RSRC1: variants seen among roughly 807,000 people sequenced by gnomAD.
RSRC1 encodes the protein serine/Arginine-related protein 53.
In RSRC1, 39 loss-of-function variants were observed where a neutral mutation model predicts 49.1. The ratio of observed to expected loss-of-function variants is 0.79; its 90% CI spans 0.61 to 1.04. The LOEUF (loss-of-function observed/expected upper bound fraction) is 1.04, where lower values mean the gene tolerates loss of function less well. Ranked by LOEUF, RSRC1 falls within the 50% of genes least tolerant of loss-of-function variation. RSRC1 has a pLI of 0.00. For synonymous variants in RSRC1, 143 were observed against 130.8 expected (o/e 1.09, Z -0.63); for missense variants, 388 against 402.4 (o/e 0.96, Z 0.31).
chr3:158,128,923 GA>G (rs1715808221), intron 3 of RSRC1, among the ~76,000 whole-genome samples: 1 of 152,132 alleles, frequency 6.6e-6, no homozygotes, highest in African/African-American at 2.4e-5. Context: ...TTTTTGGCAA[GA>G]ATACGAGAGA....
intron 1 of RSRC1, among the ~76,000 whole-genome samples, chr3:158,111,009 TAGC>T (rs1201838748): frequency 6.6e-6 from 1 of 152,244 alleles, no homozygotes; most frequent in Non-Finnish European, 1.5e-5. Context: ...CTTTCAGAAT[TAGC>T]AGTAACCCAA....
chr3:158,528,040 T>C (rs557789572), intron 7 of RSRC1, among the ~76,000 whole-genome samples: 4 of 151,946 alleles, frequency 2.6e-5, no homozygotes, highest in Non-Finnish European at 5.9e-5. Flanking sequence ...TATATATTCA[T>C]AGAGATTTAC....
intron 3 of RSRC1, among the ~76,000 whole-genome samples, chr3:158,142,932 G>A (rs1716842215): frequency 6.6e-6 from 1 of 152,190 alleles, no homozygotes; most frequent in African/African-American, 2.4e-5. Flanking sequence ...TCAGTTCCTA[G>A]CATGGTGGTA....
intron 6 of RSRC1, among the ~76,000 whole-genome samples, chr3:158,397,744 C>G (rs1265097715): frequency 6.6e-6 from 1 of 152,032 alleles, no homozygotes. Context: ...TGCTTCAGAA[C>G]CTTTGAACAT....
chr3:158,262,711 T>C (rs1724969642), intron 4 of RSRC1, among the ~76,000 whole-genome samples: 1 of 152,156 alleles, frequency 6.6e-6, no homozygotes, highest in African/African-American at 2.4e-5. Context: ...TATGTCTTTA[T>C]TTATTGAGGT....
intron 6 of RSRC1, among the ~76,000 whole-genome samples, chr3:158,389,524 T>A (rs1451997190): frequency 6.6e-6 from 1 of 152,186 alleles, no homozygotes; most frequent in East Asian, 1.9e-4. Context: ...TACAGTTGTG[T>A]TGTATCATGG....
intron 3 of RSRC1, among the ~76,000 whole-genome samples, chr3:158,150,353 G>C (rs537615060): frequency 3.9e-5 from 6 of 152,156 alleles, no homozygotes; most frequent in African/African-American, 1.2e-4. Context: ...GAAAAGGGTT[G>C]GATTTACTTT....
intron 6 of RSRC1, among the ~76,000 whole-genome samples, chr3:158,367,040 T>G (rs763590341): frequency 6.6e-6 from 1 of 152,200 alleles, no homozygotes; most frequent in African/African-American, 2.4e-5. Flanking sequence ...AAGGAGATTT[T>G]GGGCTGAGAT....
chr3:158,228,019 T>C (rs1406492282), intron 4 of RSRC1, among the ~76,000 whole-genome samples: 1 of 152,034 alleles, frequency 6.6e-6, no homozygotes, highest in Non-Finnish European at 1.5e-5. Flanking sequence ...CTAAGTTAAA[T>C]AGATTTTTTT....
chr3:158,530,096 A>G (rs1015802973), intron 7 of RSRC1, among the ~76,000 whole-genome samples: 3 of 151,922 alleles, frequency 2.0e-5, no homozygotes, highest in Non-Finnish European at 2.9e-5. Context: ...TATGAGCTAA[A>G]GCCATTTTCT....
chr3:158,407,615 A>T (rs1158180135), intron 6 of RSRC1, among the ~76,000 whole-genome samples: 1 of 152,124 alleles, frequency 6.6e-6, no homozygotes, highest in Non-Finnish European at 1.5e-5. Flanking sequence ...GATTCTTATT[A>T]ATCTGTTTTA....
At chr3:158,401,995 A>G (rs1193830398) in intron 6 of RSRC1, among the ~76,000 whole-genome samples, 1 of 151,950 alleles carries the variant, frequency 6.6e-6, no homozygotes, top group South Asian at 2.1e-4. Context: ...AATTTTATGC[A>G]GGTGTAGAGG....
intron 4 of RSRC1, chr3:158,275,679 C>A: frequency 2.6e-6 from 1 of 384,750 alleles, no homozygotes; most frequent in Non-Finnish European, 4.1e-6. Context: ...CATTATTGCA[C>A]TTTAACTTTC....
chr3:158,278,053 A>T (rs976884370), intron 4 of RSRC1, among the ~76,000 whole-genome samples: 15 of 152,174 alleles, frequency 9.9e-5, no homozygotes, highest in African/African-American at 3.6e-4. Context: ...ATTGATCCCT[A>T]ATGTGAAACA....
At chr3:158,405,320 C>A (rs1734104677) in intron 6 of RSRC1, among the ~76,000 whole-genome samples, 2 of 151,996 alleles carry the variant, frequency 1.3e-5, no homozygotes, top group Admixed American at 6.6e-5. Flanking sequence ...TATCTACATA[C>A]AGTTTTACAT....
At chr3:158,442,246 A>G (rs1252907443) in intron 6 of RSRC1, among the ~76,000 whole-genome samples, 1 of 152,050 alleles carries the variant, frequency 6.6e-6, no homozygotes, top group Non-Finnish European at 1.5e-5. Context: ...ACTCTTTCAT[A>G]AAATATTTCT....
intron 5 of RSRC1, among the ~76,000 whole-genome samples, chr3:158,349,886 CAG>C (rs1477468874): frequency 2.0e-5 from 3 of 151,130 alleles, no homozygotes; most frequent in African/African-American, 7.3e-5. Context: ...TTAGTAAAGA[CAG>C]AGTTTCACCA....
intron 4 of RSRC1, among the ~76,000 whole-genome samples, chr3:158,208,370 T>A (rs1721465491): frequency 6.6e-6 from 1 of 152,074 alleles, no homozygotes. Flanking sequence ...TTTTTCTAAT[T>A]TGTAATTTTT....
chr3:158,276,296 G>C (rs1578274552), intron 4 of RSRC1: 2 of 761,860 alleles, frequency 2.6e-6, no homozygotes, highest in African/African-American at 3.4e-5. Flanking sequence ...CAGGCCAGAT[G>C]GGGTGGGGAG....
Sources: allele counts gnomAD v4.1 joint callset (sites outside exome capture counted in the v4.1 genomes callset), GRCh38; gene constraint gnomAD v4.1.1; transcripts MANE v1.5; gene names NCBI Gene and HGNC (gene_info 2026-07-23, HGNC 2026-07-21).